Variants in GPR146 observed in about 807,000 individuals in gnomAD.
GPR146 encodes the protein G protein-coupled receptor 146.
For missense variants in GPR146, 381 were observed against 213.9 expected, an observed-to-expected ratio of 1.78 and a Z score of -4.87; for synonymous variants, 203 against 104.3, an observed-to-expected ratio of 1.95 and a Z score of -5.77.
At chr7:1,054,699 T>C (rs897693001) in intron 1 of GPR146, among the ~76,000 whole-genome samples, 1 of 152,188 alleles carries the variant, frequency 6.6e-6, no homozygotes, top group Non-Finnish European at 1.5e-5. Flanking sequence ...GGCAAGAGGC[T>C]GGCCCCACGC....
rs1377638402 is a variant in GPR146, at chr7:1,057,523, G to A, written c.8G>A (p.Ser3Asn). 5.2e-6 allele frequency: 4 copies of A among 769,444 alleles called. No homozygotes were observed. Among genetic ancestry groups the A allele is most frequent in the Admixed American group, 1.7e-5 (1 of 58,632 alleles). The allele number at this position is 769,444 out of a possible 1,614,324, so 47.7% of individuals were successfully genotyped here. Residue 3 changes from serine to asparagine, a missense_variant, in exon 2 of 2, where the codon AGC becomes AAC. Coordinates refer to ENST00000444847, the MANE Select transcript of GPR146 (RefSeq NM_001303473.2). MW[S>N]CSWFNGTGLV... ...GGAGCCTCGCCGGCCGCCATGTGGA[G>A]CTGCAGCTGGTTCAACGGCACAGGG...
Position 1,047,979 on chromosome 7 carries a change from T to C in GPR146, c.-25+3321T>C, listed in dbSNP as rs553710422. Among the ~76,000 whole-genome samples, 5 of 152,282 alleles carry C rather than the reference T, an allele frequency of 3.3e-5. No homozygotes were observed. The East Asian group carries it at 9.6e-4, about 29-fold the overall frequency. ...CTGCAGCACACATAAAAACTTCCCC[T>C]GCCTGCAAAGAGCTCCAAGTAGGTG... On this transcript the variant is annotated intron_variant, in intron 1 of 1. Transcript: ENST00000444847.
chr7:1,047,338 C>T (rs958991052), intron 1 of GPR146, among the ~76,000 whole-genome samples: 1 of 152,204 alleles, frequency 6.6e-6, no homozygotes, highest in Admixed American at 6.5e-5. Context: ...AGCCAAGTCA[C>T]CTGATTCACT....
At chr7:1,049,015 C>G (rs553936207) in intron 1 of GPR146, among the ~76,000 whole-genome samples, 1 of 152,230 alleles carries the variant, frequency 6.6e-6, no homozygotes, top group South Asian at 2.1e-4. Flanking sequence ...CCTCTGCAGT[C>G]TGAGCGTGCG....
At chr7:1,050,203 C>T (rs935191098) in intron 1 of GPR146, among the ~76,000 whole-genome samples, 24 of 152,276 alleles carry the variant, frequency 1.6e-4, no homozygotes, top group African/African-American at 5.8e-4. Flanking sequence ...CCTGCCTGTG[C>T]ACCCTGTGGG....
At chr7:1,049,434 C>G (rs886399866) in intron 1 of GPR146, among the ~76,000 whole-genome samples, 7 of 152,236 alleles carry the variant, frequency 4.6e-5, no homozygotes, top group Admixed American at 4.6e-4. Flanking sequence ...AACCGAGGCA[C>G]ACAGCAAGGA....
At chr7:1,053,363 G>A (rs1357137382) in intron 1 of GPR146, among the ~76,000 whole-genome samples, 4 of 152,228 alleles carry the variant, frequency 2.6e-5, no homozygotes, top group African/African-American at 4.8e-5. Flanking sequence ...ACAGGACCCC[G>A]GCTAATGTGC....
rs1784216940 is a variant in GPR146, at chr7:1,059,245, TA to T, written c.*731del. ...TGTGCACAAAACTAAAGAATATAAA[TA>T]AACAAAAGAAAGGTGTGTTAGGATT... On this transcript the variant is annotated 3_prime_UTR_variant, in exon 2 of 2. Coordinates refer to ENST00000444847, the MANE Select transcript of GPR146 (RefSeq NM_001303473.2). 1 of 166,696 alleles carries T rather than the reference TA, an allele frequency of 6.0e-6. No homozygotes were observed. The highest frequency in any genetic ancestry group is 1.5e-5 in the Non-Finnish European group (1 of 68,144). The allele number at this position is 166,696 out of a possible 1,614,324, so 10.3% of individuals were successfully genotyped here. A position where few individuals can be genotyped will look rare whatever the true frequency, so the allele number is the denominator to read the frequency against.
Position 1,057,794 on chromosome 7 carries a change from G to C in GPR146, c.279G>C (p.Ala93=). The change falls in exon 2 of 2, where the codon GCG becomes GCC. Residue 93 remains alanine, a synonymous_variant. Coordinates refer to ENST00000444847, the MANE Select transcript of GPR146 (RefSeq NM_001303473.2). ...TCGGCCCCCCGAGCTCCCGGTGGGC[G>C]CTGTGGAGTGTGGGCGGCGAAGTCC... ...HLLGPPSSRW[A]LWSVGGEVHV... 1 of 776,354 alleles carries C rather than the reference G, an allele frequency of 1.3e-6. No individual in the cohort carries two copies. Among genetic ancestry groups the C allele is most frequent in the Non-Finnish European group, 2.4e-6 (1 of 417,942 alleles). 48.1% of individuals were successfully genotyped at this position (776,354 alleles called of 1,614,324 possible). A position where few individuals can be genotyped will look rare whatever the true frequency, so the allele number is the denominator to read the frequency against.
chr7:1,050,635 C>T lies in GPR146; in HGVS notation c.-25+5977C>T, dbSNP rs79315115. The stretch of plus-strand genomic sequence containing the variant: ...AGGAAGTAAGGCCCAGCAGCCTTCC[C>T]GGGCTTGGAACGCCGCAGCCTAGGA... On this transcript the variant is annotated intron_variant, in intron 1 of 1. Coordinates refer to ENST00000444847, the MANE Select transcript of GPR146 (RefSeq NM_001303473.2). 1.3e-3 allele frequency among the ~76,000 whole-genome samples: 193 copies of T among 152,348 alleles called. 9 individuals are homozygous for T. The East Asian group carries it at 0.033, about 26-fold the overall frequency.
At position 1,052,283 on chromosome 7, in the gene GPR146, G is replaced by A. The variant is rs1006841212; in HGVS notation, c.-24-5209G>A. Among the ~76,000 whole-genome samples, 4 of 152,356 alleles carry A rather than the reference G, an allele frequency of 2.6e-5. No individual in the cohort carries two copies. The highest frequency in any genetic ancestry group is 3.4e-3 in the Middle Eastern group (1 of 294). On this transcript the variant is annotated intron_variant, in intron 1 of 1. Transcript: ENST00000444847. The surrounding 1 kb of genome is among the most constrained non-coding windows in gnomAD (Gnocchi z 4.2). The stretch of plus-strand genomic sequence containing the variant: ...CTGAGAGGCAAGGCTGACCTGCAGC[G>A]TCCAGCTCGGCTGGGGACACTCGCC...
chr7:1,051,450 A>G (rs1783103533), intron 1 of GPR146, among the ~76,000 whole-genome samples: 1 of 151,996 alleles, frequency 6.6e-6, no homozygotes, highest in Admixed American at 6.5e-5. Flanking sequence ...CTGGCTGTAC[A>G]CTCTGAGGCC....
chr7:1,057,333 C>T (rs547205330), intron 1 of GPR146, among the ~76,000 whole-genome samples, 159 bp from the exon 2 acceptor site: 3 of 152,286 alleles, frequency 2.0e-5, no homozygotes, highest in East Asian at 1.9e-4. Context: ...CATTTTTCAA[C>T]GCTCAACTTC....
At chr7:1,051,990 TAAA>T (rs1783155909) in intron 1 of GPR146, among the ~76,000 whole-genome samples, 1 of 152,052 alleles carries the variant, frequency 6.6e-6, no homozygotes, top group Non-Finnish European at 1.5e-5. Flanking sequence ...AACAGAAAAA[TAAA>T]AACAGAAGGA....
At chr7:1,051,099 C>T (rs1049944422) in intron 1 of GPR146, among the ~76,000 whole-genome samples, 10 of 152,210 alleles carry the variant, frequency 6.6e-5, no homozygotes, top group South Asian at 2.1e-4. Flanking sequence ...CCAGCACACC[C>T]GGACTTCTCG....
At chr7:1,054,227 C>A (rs1379034087) in intron 1 of GPR146, among the ~76,000 whole-genome samples, 1 of 152,332 alleles carries the variant, frequency 6.6e-6, no homozygotes. Flanking sequence ...ACGCAAAGCG[C>A]GTCACCTTCC....
In GPR146 at chr7:1,059,249, CAAAAG is replaced by C. The variant is rs1583620683; in HGVS notation, c.*736_*740del. 1 of 166,760 alleles carries C rather than the reference CAAAAG, an allele frequency of 6.0e-6. No homozygotes were observed. The highest frequency in any genetic ancestry group is 2.4e-5 in the African/African-American group (1 of 41,426). The allele number at this position is 166,760 out of a possible 1,614,324, so 10.3% of individuals were successfully genotyped here. The stretch of plus-strand genomic sequence containing the variant: ...CACAAAACTAAAGAATATAAATAAA[CAAAAG>C]AAAGGTGTGTTAGGATTTCTGACTG... On this transcript the variant is annotated 3_prime_UTR_variant, in exon 2 of 2. Transcript: ENST00000444847.
chr7:1,047,216 C>T (rs1384300106), intron 1 of GPR146, among the ~76,000 whole-genome samples: 1 of 152,246 alleles, frequency 6.6e-6, no homozygotes, highest in African/African-American at 2.4e-5. Context: ...CCAGCCCGCT[C>T]ACTGGCCCAG....
rs114840784 is a variant in GPR146, at chr7:1,049,395, C to T, written c.-25+4737C>T. Among the ~76,000 whole-genome samples, 964 of 152,332 alleles carry T rather than the reference C, an allele frequency of 6.3e-3. 13 individuals are homozygous for T. Among genetic ancestry groups the T allele is most frequent in the African/African-American group, 0.022 (923 of 41,564 alleles). On this transcript the variant is annotated intron_variant, in intron 1 of 1. Coordinates refer to ENST00000444847, the MANE Select transcript of GPR146 (RefSeq NM_001303473.2). ...GGGTTGGTTTACTTAACCCTCCTGT[C>T]TCATGAAGATTTTTACTAAGCCTGG...
Sources: gnomAD v4.1 joint callset for allele counts (sites outside exome capture counted in the v4.1 genomes callset) on GRCh38, gnomAD v4.1.1 for gene constraint, Gnocchi (gnomAD v3.1) non-coding constraint, MANE v1.5 for transcripts, NCBI Gene and HGNC (gene_info 2026-07-23, HGNC 2026-07-21) for gene names.